PINX1: variants seen among roughly 807,000 people sequenced by gnomAD.
PINX1 encodes PIN2/TERF1-interacting telomerase inhibitor 1.
A neutral mutation model predicts 25.4 loss-of-function variants in PINX1; 34 were observed. The observed-to-expected ratio is 1.34, with a 90% CI of 1.02 to 1.78. The LOEUF (loss-of-function observed/expected upper bound fraction) is 1.78, where lower values mean the gene tolerates loss of function less well. Ranked by LOEUF, PINX1 falls within the 40% of genes most tolerant of loss-of-function variation. The probability of loss-of-function intolerance (pLI) is 0.00; values close to 1 mark genes in which losing one functional copy is unlikely to be tolerated. For synonymous variants in PINX1, 197 were observed against 147.7 expected (o/e 1.33, Z -2.42); for missense variants, 592 against 404.9 (o/e 1.46, Z -3.97).
chr8:10,812,679 C>T (rs1048278111), intron 6 of PINX1, among the ~76,000 whole-genome samples: 6 of 152,220 alleles, frequency 3.9e-5, no homozygotes, highest in African/African-American at 7.2e-5. Context: ...GAAGGCAATT[C>T]CCTGAACGTA....
chr8:10,780,650 T>G (rs1369588968), intron 6 of PINX1, among the ~76,000 whole-genome samples: 2 of 151,926 alleles, frequency 1.3e-5, no homozygotes, highest in African/African-American at 4.8e-5. Flanking sequence ...AGGGATAAAT[T>G]TAACATAGGA....
chr8:10,803,380 A>G (rs1165211054), intron 6 of PINX1, among the ~76,000 whole-genome samples: 1 of 152,226 alleles, frequency 6.6e-6, no homozygotes, highest in Non-Finnish European at 1.5e-5. Flanking sequence ...TCACCAGCTC[A>G]TGGACGTCTT....
At chr8:10,801,598 A>C (rs1322774924) in intron 6 of PINX1, among the ~76,000 whole-genome samples, 1 of 152,188 alleles carries the variant, frequency 6.6e-6, no homozygotes, top group Non-Finnish European at 1.5e-5. Context: ...GGGAAGACCT[A>C]GATGGTCTTT....
intron 6 of PINX1, among the ~76,000 whole-genome samples, chr8:10,778,496 G>A (rs1207317888): frequency 1.3e-5 from 2 of 152,152 alleles, no homozygotes; most frequent in Non-Finnish European, 2.9e-5. Context: ...GGGTTCAAGT[G>A]AGAGGCAGCC....
intron 2 of PINX1, chr8:10,833,536 T>C (rs186138515): frequency 1.4e-4 from 22 of 162,170 alleles, no homozygotes; most frequent in Non-Finnish European, 2.7e-4. Context: ...GGCTCTGCCC[T>C]GCATGGAGAA....
chr8:10,777,413 A>G (rs1801427885), intron 6 of PINX1, among the ~76,000 whole-genome samples: 1 of 152,196 alleles, frequency 6.6e-6, no homozygotes, highest in Admixed American at 6.5e-5. Context: ...CAGGAAAAGG[A>G]TGCACTCTCG....
chr8:10,839,140 A>G (rs1391982310), intron 1 of PINX1, among the ~76,000 whole-genome samples: 1 of 152,194 alleles, frequency 6.6e-6, no homozygotes, highest in Non-Finnish European at 1.5e-5. Flanking sequence ...GACTCCACCA[A>G]GTGAAGATAA....
At chr8:10,806,497 G>C (rs1055263124) in intron 6 of PINX1, among the ~76,000 whole-genome samples, 2 of 152,198 alleles carry the variant, frequency 1.3e-5, no homozygotes, top group South Asian at 2.1e-4. Context: ...CATGTATTGA[G>C]AGGAAACAGT....
intron 6 of PINX1, among the ~76,000 whole-genome samples, chr8:10,816,935 C>T (rs1586189009): frequency 1.3e-5 from 2 of 152,118 alleles, no homozygotes; most frequent in African/African-American, 2.4e-5. Flanking sequence ...ATTTACATGA[C>T]GGGATTGCTG....
At chr8:10,809,208 T>G (rs904789784) in intron 6 of PINX1, among the ~76,000 whole-genome samples, 17 of 152,226 alleles carry the variant, frequency 1.1e-4, no homozygotes, top group African/African-American at 4.1e-4. Context: ...TCAAAAGAGC[T>G]CCCTTCAGTT....
chr8:10,833,600 T>C lies in PINX1; in HGVS notation c.130-616A>G, dbSNP rs1378519621. On this transcript the variant is annotated intron_variant, in intron 2 of 6. Coordinates refer to ENST00000314787, the MANE Select transcript of PINX1 (RefSeq NM_017884.6). ...AAGAGACGACTGGGGTGCGGGAGGC[T>C]GGAGAAGAATGACAACTGGGGTGCG... The C allele has an allele frequency of 9.0e-5, 6 of 66,688 alleles. 1 individual carries two copies. The highest frequency in any genetic ancestry group is 1.9e-4 in the Non-Finnish European group (6 of 31,454). The allele number at this position is 66,688 out of a possible 1,614,324, so 4.1% of individuals were successfully genotyped here.
intron 4 of PINX1, among the ~76,000 whole-genome samples, chr8:10,827,715 G>A (rs1798100251): frequency 6.6e-6 from 1 of 151,362 alleles, no homozygotes; most frequent in Admixed American, 6.6e-5. Context: ...CACCATCCTG[G>A]CTAACATGGT....
chr8:10,825,275 T>G lies in PINX1; in HGVS notation c.394+877A>C, dbSNP rs56344910. ...CAGCAATGCCCTGATACGCATGACA[T>G]TCCTAGAAGACCAAAGCAGAGATGT... On this transcript the variant is annotated intron_variant, in intron 5 of 6. Transcript: ENST00000314787. The G allele has an allele frequency of 6.8e-3, 3,541 of 523,982 alleles. 112 individuals are homozygous for G. Among genetic ancestry groups the G allele is most frequent in the African/African-American group, 0.06 (3,121 of 51,686 alleles). 32.5% of individuals were successfully genotyped at this position (523,982 alleles called of 1,614,324 possible).
intron 5 of PINX1, among the ~76,000 whole-genome samples, chr8:10,824,875 G>C (rs1797989083): frequency 6.6e-6 from 1 of 152,178 alleles, no homozygotes; most frequent in Admixed American, 6.5e-5. Context: ...TCAGGGACTG[G>C]GTATGAAGTG....
At chr8:10,838,935 C>T (rs1798486099) in intron 1 of PINX1, among the ~76,000 whole-genome samples, 3 of 152,308 alleles carry the variant, frequency 2.0e-5, no homozygotes, top group African/African-American at 2.4e-5. Flanking sequence ...GCTAACAGCA[C>T]TTATTTCACA....
chr8:10,787,819 C>A, intron 6 of PINX1: 1 of 455,786 alleles, frequency 2.2e-6, no homozygotes, highest in Non-Finnish European at 4.4e-6. Flanking sequence ...GTGACTTCAA[C>A]AATAAACTGC....
chr8:10,810,417 T>C (rs936355117), intron 6 of PINX1, among the ~76,000 whole-genome samples: 4 of 152,220 alleles, frequency 2.6e-5, no homozygotes, highest in Non-Finnish European at 4.4e-5. Flanking sequence ...CCTTCAGGCC[T>C]AGCTCAACTT....
chr8:10,793,553 G>A (rs1407841873), intron 6 of PINX1, among the ~76,000 whole-genome samples: 3 of 152,176 alleles, frequency 2.0e-5, no homozygotes, highest in African/African-American at 4.8e-5. Flanking sequence ...CAGCCCACCC[G>A]CCATGGGCTG....
intron 6 of PINX1, among the ~76,000 whole-genome samples, chr8:10,790,916 C>T (rs189520087): frequency 2.6e-5 from 4 of 152,224 alleles, no homozygotes; most frequent in Admixed American, 2.6e-4. Flanking sequence ...CCCCCTCCCT[C>T]CCCCAGTTTT....
Sources: allele counts gnomAD v4.1 joint callset (sites outside exome capture counted in the v4.1 genomes callset), GRCh38; gene constraint gnomAD v4.1.1; transcripts MANE v1.5; gene names NCBI Gene and HGNC (gene_info 2026-07-23, HGNC 2026-07-21).